DPYD: variants seen among roughly 807,000 people sequenced by gnomAD.
DPYD encodes dihydropyrimidine dehydrogenase, also known as dihydropyrimidine dehydrogenase [NADP(+)].
DPYD carries 109 observed loss-of-function variants against 116.2 expected under a neutral mutation model. The observed-to-expected ratio is 0.94, with a 90% confidence interval of 0.80 to 1.10. The LOEUF is 1.10. Among genes scored for constraint, DPYD ranks in the 50% least tolerant of loss-of-function variants. The pLI is 0.00. For missense variants in DPYD, 1,302 were observed against 1,254.5 expected (o/e 1.04, Z -0.57); for synonymous variants, 440 against 432.0 (o/e 1.02, Z -0.23).
intron 9 of DPYD, among the ~76,000 whole-genome samples, 193 bp downstream of exon 9, chr1:97,594,866 T>G (rs539041959): frequency 6.6e-6 from 1 of 152,100 alleles, no homozygotes; most frequent in African/African-American, 2.4e-5. Flanking sequence ...GATACTTTAT[T>G]GGAAGAATGA....
chr1:97,505,419 G>T (rs1046791883), intron 13 of DPYD, among the ~76,000 whole-genome samples: 4 of 149,134 alleles, frequency 2.7e-5, no homozygotes, highest in African/African-American at 9.9e-5. Context: ...CTTCTCCCTA[G>T]AATAAAGACA....
chr1:97,079,095 T>G lies in DPYD; in HGVS notation c.2959A>C (p.Thr987Pro). 1.9e-6 allele frequency: 3 copies of G among 1,613,770 alleles called. No individual in the cohort carries two copies. The highest frequency in any genetic ancestry group is 2.2e-5 in the East Asian group (1 of 44,866). Residue 987 changes from threonine to proline, a missense_variant, in exon 23 of 23, where the codon ACA becomes CCA. By Grantham distance (38) the Thr-to-Pro change is conservative. Transcript: ENST00000370192. ...ACACTGAGACACAGAGTACAGCCTG[T>G]ACAAGTGTCGGTTATGGTGGGCAGG... ...THLPTITDTC[T>P]GCTLCLSVCP... is the part of the protein sequence containing the mutation.
rs1218990448 is a variant in DPYD, at chr1:97,921,033, C to T, written c.-111G>A. On this transcript the variant is annotated 5_prime_UTR_variant, in exon 1 of 23. Transcript: ENST00000370192. ...GGAGCGCGAGTCGAAAACAGGCAGA[C>T]TAGGGCCGGCGGCGCGGGGGCGGAG... 1.5e-6 allele frequency: 2 copies of T among 1,378,936 alleles called. No homozygotes were observed. The highest frequency in any genetic ancestry group is 2.1e-5 in the Admixed American group (1 of 48,610). The allele number at this position is 1,378,936 out of a possible 1,614,324, so 85.4% of individuals were successfully genotyped here.
intron 3 of DPYD, among the ~76,000 whole-genome samples, chr1:97,771,139 GA>G (rs991096110): frequency 2.8e-4 from 43 of 151,964 alleles, no homozygotes; most frequent in African/African-American, 9.4e-4. Flanking sequence ...CCAACATGGT[GA>G]AACCCCGCCT....
chr1:97,347,547 T>C (rs1229671723), intron 16 of DPYD, among the ~76,000 whole-genome samples: 2 of 152,062 alleles, frequency 1.3e-5, no homozygotes, highest in Non-Finnish European at 2.9e-5. Flanking sequence ...TAACATTTTG[T>C]TTCATATCTT....
intron 8 of DPYD, among the ~76,000 whole-genome samples, chr1:97,675,582 G>A (rs2100907754): frequency 6.6e-6 from 1 of 152,238 alleles, no homozygotes; most frequent in Non-Finnish European, 1.5e-5. Context: ...CAGGAAACAT[G>A]TGAACAGACT....
intron 8 of DPYD, among the ~76,000 whole-genome samples, chr1:97,662,726 G>C: frequency 6.6e-6 from 1 of 152,148 alleles, no homozygotes; most frequent in Non-Finnish European, 1.5e-5. Context: ...AATCCCTCTA[G>C]CCACACAGAT....
intron 16 of DPYD, among the ~76,000 whole-genome samples, chr1:97,333,134 C>A (rs534309544): frequency 2.4e-4 from 36 of 150,172 alleles, no homozygotes; most frequent in African/African-American, 8.1e-4. Context: ...CTGCTCACTG[C>A]AACCTCCGCC....
At chr1:97,638,527 T>G (rs1425496509) in intron 8 of DPYD, among the ~76,000 whole-genome samples, 2 of 152,164 alleles carry the variant, frequency 1.3e-5, no homozygotes, top group Non-Finnish European at 2.9e-5. Flanking sequence ...CTCCTGGTAT[T>G]GAGTGAGAGA....
chr1:97,228,145 G>GTT (rs554575425), intron 19 of DPYD, among the ~76,000 whole-genome samples: 31 of 140,950 alleles, frequency 2.2e-4, no homozygotes, highest in African/African-American at 7.9e-4. Flanking sequence ...GACTTTAGTT[G>GTT]TTTTTTTTTT....
At chr1:97,827,750 T>C (rs1196569154) in intron 3 of DPYD, among the ~76,000 whole-genome samples, 1 of 152,058 alleles carries the variant, frequency 6.6e-6, no homozygotes, top group Non-Finnish European at 1.5e-5. Context: ...AAATATTAAT[T>C]AGGAGGAAAT....
chr1:97,637,042 G>C (rs1191655907), intron 8 of DPYD, among the ~76,000 whole-genome samples: 1 of 152,074 alleles, frequency 6.6e-6, no homozygotes, highest in Non-Finnish European at 1.5e-5. Flanking sequence ...AAACATTGTT[G>C]GAGCTTTCCC....
At chr1:97,332,424 T>A (rs1669058179) in intron 16 of DPYD, among the ~76,000 whole-genome samples, 1 of 152,200 alleles carries the variant, frequency 6.6e-6, no homozygotes, top group South Asian at 2.1e-4. Context: ...AGGATGGTAG[T>A]AATATTAAAG....
At position 97,264,162 on chromosome 1, in the gene DPYD, G is replaced by GTTT. The variant is rs71071641; in HGVS notation, c.2300-29171_2300-29169dup. Among the ~76,000 whole-genome samples the GTTT allele has an allele frequency of 6.6e-3, 394 of 60,012 alleles. 35 individuals carry two copies. Among genetic ancestry groups the GTTT allele is most frequent in the African/African-American group, 0.012 (256 of 20,510 alleles). The allele number at this position is 60,012 out of a possible 152,430, so 39.4% of individuals were successfully genotyped here. ...TTCTGAATCTTAATAGCAAAATTCT[G>GTTT]TTTTTTTTTTTTTTTTTTTTTTTTT... is the stretch of plus-strand genomic sequence containing the variant. On this transcript the variant is annotated intron_variant, in intron 18 of 22. Coordinates refer to ENST00000370192, the MANE Select transcript of DPYD (RefSeq NM_000110.4).
At chr1:97,570,565 A>T (rs1022332717) in intron 11 of DPYD, among the ~76,000 whole-genome samples, 4 of 152,000 alleles carry the variant, frequency 2.6e-5, no homozygotes, top group Non-Finnish European at 5.9e-5. Flanking sequence ...CCATAGTATA[A>T]GATAACATTG....
At chr1:97,275,114 C>T (rs560320562) in intron 18 of DPYD, among the ~76,000 whole-genome samples, 68 of 152,144 alleles carry the variant, frequency 4.5e-4, no homozygotes, top group Non-Finnish European at 8.4e-4. Flanking sequence ...GTGAGTAGCT[C>T]AGTATGGTTG....
intron 18 of DPYD, among the ~76,000 whole-genome samples, chr1:97,235,488 G>A (rs986113740): frequency 1.3e-5 from 2 of 152,200 alleles, no homozygotes; most frequent in Middle Eastern, 3.4e-3. Context: ...ACCAGGCGTG[G>A]TGGCAGGCTC....
intron 8 of DPYD, among the ~76,000 whole-genome samples, chr1:97,658,558 GA>G (rs1186817766): frequency 2.6e-5 from 4 of 151,738 alleles, no homozygotes; most frequent in Admixed American, 1.3e-4. Flanking sequence ...AAATTATAAG[GA>G]AAAAAGACCT....
At chr1:97,102,399 ATATATATATATATATATATATG>A (rs2101604483) in intron 20 of DPYD, among the ~76,000 whole-genome samples, 1 of 136,688 alleles carries the variant, frequency 7.3e-6, no homozygotes, top group Admixed American at 7.5e-5. Context: ...TCAGTATCAT[ATATATATATATATATATATATG>A]TATATATGTA....
Sources: gnomAD v4.1 joint callset for allele counts (sites outside exome capture counted in the v4.1 genomes callset) on GRCh38, gnomAD v4.1.1 for gene constraint, MANE v1.5 for transcripts, NCBI Gene and HGNC (gene_info 2026-07-23, HGNC 2026-07-21) for gene names.